The following SLC9A8 variants were observed in gnomAD, a reference collection of about 807,000 sequenced individuals.
SLC9A8 encodes sodium/hydrogen exchanger 8.
A neutral mutation model predicts 66.6 loss-of-function variants in SLC9A8; 48 were observed. That is an observed-to-expected ratio of 0.72 (90% CI 0.57 to 0.92). The LOEUF (loss-of-function observed/expected upper bound fraction) is 0.92, where lower values mean the gene tolerates loss of function less well. SLC9A8 is among the 40% of genes least tolerant of loss of function. SLC9A8 has a pLI of 0.00. For missense variants in SLC9A8, 599 were observed against 747.3 expected, an observed-to-expected ratio of 0.80 and a Z score of 2.31; for synonymous variants, 274 against 282.6, an observed-to-expected ratio of 0.97 and a Z score of 0.31.
At chr20:49,867,088 A>G (rs185300573) in intron 10 of SLC9A8, among the ~76,000 whole-genome samples, 41 of 152,052 alleles carry the variant, frequency 2.7e-4, no homozygotes, top group Admixed American at 2.4e-3. Flanking sequence ...TGTCAACTGT[A>G]GGTCTGTTTT....
intron 1 of SLC9A8, among the ~76,000 whole-genome samples, chr20:49,814,221 A>G (rs754403362): frequency 6.6e-6 from 1 of 152,160 alleles, no homozygotes; most frequent in Non-Finnish European, 1.5e-5. Flanking sequence ...TTCTGCCACT[A>G]ACTGAGATGT....
chr20:49,864,871 T>C, intron 10 of SLC9A8, 27 bp downstream of exon 10: 1 of 1,433,860 alleles, frequency 7.0e-7, no homozygotes, highest in Non-Finnish European at 9.8e-7. Context: ...CTGAAAGTGC[T>C]GTGGTGATGG....
chr20:49,862,844 A>G (rs2146673306), intron 8 of SLC9A8, 85 bp from the exon 9 acceptor site: 1 of 1,111,148 alleles, frequency 9.0e-7, no homozygotes, highest in African/African-American at 1.6e-5. Context: ...GAATGAGCGA[A>G]TAAGCAAGAA....
intron 3 of SLC9A8, among the ~76,000 whole-genome samples, chr20:49,834,369 GTA>G (rs759550119): frequency 0.025 from 1,379 of 55,480 alleles, 76 homozygotes; most frequent in Non-Finnish European, 0.034. Flanking sequence ...TATATACTGT[GTA>G]TATATATATA....
rs73613334 is a variant in SLC9A8, at chr20:49,869,163, G to A, written c.958+4319G>A. The stretch of plus-strand genomic sequence containing the variant: ...CTGTCAAGGTGAGTCACAGAGGAGG[G>A]GACTTTGGGCTTGAAGGATGAGTTT... On this transcript the variant is annotated intron_variant, in intron 10 of 15. Transcript: ENST00000361573. Among the ~76,000 whole-genome samples, 3,457 of 152,202 alleles carry A rather than the reference G, an allele frequency of 0.023. 386 individuals are homozygous for A. The East Asian group carries it at 0.35, about 15-fold the overall frequency.
At chr20:49,866,911 A>G (rs73125668) in intron 10 of SLC9A8, among the ~76,000 whole-genome samples, 3,797 of 152,098 alleles carry the variant, frequency 0.025, 55 homozygotes, top group East Asian at 0.035. Context: ...CGTATTTCTC[A>G]TTTACATATT....
Position 49,888,246 on chromosome 20 carries a change from T to TC in SLC9A8, c.*310_*311insC. ...CAGTCATCTGTGAAGCTAGGGCGCC[T>TC]ACCCCCCCACCCGGAGGACCCCTGC... is the stretch of plus-strand genomic sequence containing the variant. On this transcript the variant is annotated 3_prime_UTR_variant, in exon 16 of 16. Transcript: ENST00000361573. 6.4e-6 allele frequency: 2 copies of TC among 310,378 alleles called. No homozygotes were observed. The highest frequency in any genetic ancestry group is 1.2e-5 in the Non-Finnish European group (2 of 161,434). The allele number at this position is 310,378 out of a possible 1,614,324, so 19.2% of individuals were successfully genotyped here. A position where few individuals can be genotyped will look rare whatever the true frequency, so the allele number is the denominator to read the frequency against.
At chr20:49,834,054 G>C (rs906390913) in intron 3 of SLC9A8, among the ~76,000 whole-genome samples, 1 of 151,054 alleles carries the variant, frequency 6.6e-6, no homozygotes, top group African/African-American at 2.4e-5. Flanking sequence ...TTCAAGACCA[G>C]CTTGGCCAAC....
At chr20:49,867,460 C>T (rs2089021895) in intron 10 of SLC9A8, among the ~76,000 whole-genome samples, 1 of 152,216 alleles carries the variant, frequency 6.6e-6, no homozygotes, top group African/African-American at 2.4e-5. Context: ...CCACCCATGT[C>T]AGCTTCTGGA....
At chr20:49,818,110 G>A (rs185154820) in intron 2 of SLC9A8, among the ~76,000 whole-genome samples, 33 of 152,210 alleles carry the variant, frequency 2.2e-4, no homozygotes, top group African/African-American at 7.5e-4. Flanking sequence ...CTTCCAGGGC[G>A]TGGAGCATTT....
chr20:49,823,238 C>T, intron 3 of SLC9A8, 97 bp downstream of exon 3: 3 of 887,970 alleles, frequency 3.4e-6, no homozygotes, highest in Non-Finnish European at 5.6e-6. Context: ...AGATGCATCA[C>T]ATCCCTGATC....
At position 49,884,292 on chromosome 20, in the gene SLC9A8, A is replaced by ACACACACACACGCGCG. The variant is rs2089792326; in HGVS notation, c.1491+237_1491+238insGCGCGCACACACACAC. On this transcript the variant is annotated intron_variant, in intron 14 of 15. Coordinates refer to ENST00000361573, the MANE Select transcript of SLC9A8 (RefSeq NM_015266.3). ...CACACACGACACACACACACACGAC[A>ACACACACACACGCGCG]CACACACACACACACACACACACAC... The ACACACACACACGCGCG allele has an allele frequency of 5.1e-5, 13 of 256,838 alleles. 1 individual carries two copies. The highest frequency in any genetic ancestry group is 4.2e-4 in the South Asian group (11 of 26,014). 15.9% of individuals were successfully genotyped at this position (256,838 alleles called of 1,614,324 possible).
intron 10 of SLC9A8, among the ~76,000 whole-genome samples, chr20:49,867,699 C>G (rs1290981150): frequency 6.6e-6 from 1 of 151,884 alleles, no homozygotes; most frequent in African/African-American, 2.4e-5. Flanking sequence ...CTTTGTCTCC[C>G]TTCCGGCAGG....
chr20:49,869,994 A>G (rs1223243192), intron 10 of SLC9A8, among the ~76,000 whole-genome samples: 6 of 152,198 alleles, frequency 3.9e-5, no homozygotes, highest in Non-Finnish European at 8.8e-5. Flanking sequence ...AGTAATGGAA[A>G]AGATCAAATT....
intron 3 of SLC9A8, among the ~76,000 whole-genome samples, chr20:49,837,114 G>T (rs532243249): frequency 4.8e-4 from 73 of 152,272 alleles, no homozygotes; most frequent in Middle Eastern, 3.4e-3. Context: ...CTTTGGAAAG[G>T]CTAATCAGAA....
intron 9 of SLC9A8, among the ~76,000 whole-genome samples, chr20:49,864,499 C>T (rs1445299018): frequency 6.6e-6 from 1 of 152,178 alleles, no homozygotes; most frequent in Non-Finnish European, 1.5e-5. Flanking sequence ...TCATCTTCCA[C>T]CACCATTTAT....
intron 8 of SLC9A8, among the ~76,000 whole-genome samples, chr20:49,861,191 A>G (rs2088719942): frequency 6.6e-6 from 1 of 152,182 alleles, no homozygotes; most frequent in Non-Finnish European, 1.5e-5. Context: ...AAGTCAAACT[A>G]AGACTGGGCT....
At chr20:49,852,493 A>G (rs1386204544) in intron 7 of SLC9A8, among the ~76,000 whole-genome samples, 1 of 152,232 alleles carries the variant, frequency 6.6e-6, no homozygotes, top group African/African-American at 2.4e-5. Flanking sequence ...GTTTTGTTCT[A>G]GTGATATCTT....
intron 9 of SLC9A8, 75 bp downstream of exon 9, chr20:49,863,142 G>C: frequency 7.5e-7 from 1 of 1,340,494 alleles, no homozygotes; most frequent in East Asian, 2.6e-5. Context: ...AGTTTCTCCT[G>C]TTTTTTAAGG....
Sources: allele counts gnomAD v4.1 joint callset (sites outside exome capture counted in the v4.1 genomes callset), GRCh38; gene constraint gnomAD v4.1.1; transcripts MANE v1.5; gene names NCBI Gene and HGNC (gene_info 2026-07-23, HGNC 2026-07-21).